The following PTPRM variants were observed in gnomAD, a reference collection of about 807,000 sequenced individuals.
PTPRM encodes the protein receptor-type tyrosine-protein phosphatase mu.
In PTPRM, 47 loss-of-function variants were observed where a neutral mutation model predicts 186.7. The observed-to-expected ratio is 0.25, with a 90% CI of 0.20 to 0.32. The LOEUF is 0.32. Among genes scored for constraint, PTPRM ranks in the 10% least tolerant of loss-of-function variants. The probability of loss-of-function intolerance (pLI) is 1.00; values close to 1 mark genes in which losing one functional copy is unlikely to be tolerated. For synonymous variants in PTPRM, 668 were observed against 674.9 expected (o/e 0.99, Z 0.16); for missense variants, 1,494 against 1,865.0 (o/e 0.80, Z 3.66).
intron 17 of PTPRM, chr18:8,251,573 C>A (rs1190888155): frequency 1.3e-5 from 2 of 152,190 alleles, no homozygotes; most frequent in East Asian, 3.8e-4. Context: ...ATCATAAAAT[C>A]AACTTACCAC....
At chr18:7,862,598 A>G (rs770859631) in intron 2 of PTPRM, among the ~76,000 whole-genome samples, 10 of 152,182 alleles carry the variant, frequency 6.6e-5, no homozygotes, top group Non-Finnish European at 1.3e-4. Context: ...GCACAAGGAG[A>G]TGGAGGGTAA....
At chr18:8,276,791 G>A (rs142163580) in intron 19 of PTPRM, among the ~76,000 whole-genome samples, 416 of 152,300 alleles carry the variant, frequency 2.7e-3, no homozygotes, top group Non-Finnish European at 4.5e-3. Flanking sequence ...TGTGAGACCT[G>A]TGAGACTTTG....
At chr18:8,188,729 G>A (rs2093673175) in intron 14 of PTPRM, among the ~76,000 whole-genome samples, 1 of 152,184 alleles carries the variant, frequency 6.6e-6, no homozygotes, top group Admixed American at 6.5e-5. Flanking sequence ...CTTAAAATGA[G>A]GGGCTGTGCT....
chr18:8,249,260 A>G (rs2094505640), intron 17 of PTPRM, among the ~76,000 whole-genome samples: 1 of 151,940 alleles, frequency 6.6e-6, no homozygotes, highest in African/African-American at 2.4e-5. Context: ...GGTAATTTTT[A>G]TTTTCCTAAT....
chr18:7,859,468 T>C (rs981728210), intron 2 of PTPRM, among the ~76,000 whole-genome samples: 1 of 152,210 alleles, frequency 6.6e-6, no homozygotes, highest in African/African-American at 2.4e-5. Flanking sequence ...AACTCTGATG[T>C]CACTTGTGAT....
intron 14 of PTPRM, among the ~76,000 whole-genome samples, chr18:8,214,242 G>A (rs989749336): frequency 6.6e-5 from 10 of 151,912 alleles, no homozygotes; most frequent in Admixed American, 6.6e-4. Flanking sequence ...TTCCCCTAAA[G>A]CTATTATAAA....
At chr18:7,570,522 C>A (rs967001039) in intron 1 of PTPRM, among the ~76,000 whole-genome samples, 4 of 152,166 alleles carry the variant, frequency 2.6e-5, no homozygotes, top group African/African-American at 7.2e-5. Context: ...TAATGAGAAT[C>A]TTGATCATTT....
At chr18:8,163,394 T>A (rs1412553863) in intron 14 of PTPRM, among the ~76,000 whole-genome samples, 1 of 152,146 alleles carries the variant, frequency 6.6e-6, no homozygotes, top group Non-Finnish European at 1.5e-5. Flanking sequence ...AGAAACACAC[T>A]CACCATTCCT....
intron 1 of PTPRM, among the ~76,000 whole-genome samples, chr18:7,592,148 A>C (rs575023113): frequency 1.3e-5 from 2 of 152,300 alleles, no homozygotes; most frequent in South Asian, 4.1e-4. Context: ...AAGGATGAAA[A>C]CCAAGTCAAA....
chr18:8,338,827 A>G (rs73939439), intron 22 of PTPRM, among the ~76,000 whole-genome samples: 2,764 of 152,336 alleles, frequency 0.018, 54 homozygotes, highest in African/African-American at 0.047. Flanking sequence ...CGAAAATGCC[A>G]CTGTGAGCTT....
At chr18:7,627,332 T>G (rs2038085506) in intron 1 of PTPRM, among the ~76,000 whole-genome samples, 1 of 152,176 alleles carries the variant, frequency 6.6e-6, no homozygotes, top group Non-Finnish European at 1.5e-5. Flanking sequence ...AAAGGCTTGG[T>G]TTAGTCCAGC....
chr18:8,364,643 G>A (rs1246801451), intron 23 of PTPRM, among the ~76,000 whole-genome samples: 1 of 152,050 alleles, frequency 6.6e-6, no homozygotes, highest in Non-Finnish European at 1.5e-5. Flanking sequence ...TCTTCTCAGC[G>A]GGCCCAAACA....
At chr18:7,858,652 T>A (rs143063360) in intron 2 of PTPRM, among the ~76,000 whole-genome samples, 1 of 152,352 alleles carries the variant, frequency 6.6e-6, no homozygotes, top group Non-Finnish European at 1.5e-5. Flanking sequence ...TTAATACAAG[T>A]GTTAATATAT....
chr18:8,355,270 A>G (rs1948011744), intron 23 of PTPRM, among the ~76,000 whole-genome samples: 1 of 152,100 alleles, frequency 6.6e-6, no homozygotes, highest in Non-Finnish European at 1.5e-5. Context: ...AGTTGAGTGG[A>G]GGTTGAAGGG....
intron 1 of PTPRM, among the ~76,000 whole-genome samples, chr18:7,665,887 A>G (rs1598331663): frequency 6.6e-6 from 1 of 151,968 alleles, no homozygotes. Context: ...GCGCCACTGC[A>G]CTCCAGCCTG....
intron 13 of PTPRM, among the ~76,000 whole-genome samples, chr18:8,125,169 T>G (rs1434652488): frequency 6.7e-6 from 1 of 149,408 alleles, no homozygotes; most frequent in Non-Finnish European, 1.5e-5. Flanking sequence ...GAGATCAAGC[T>G]ACTGCACTCC....
intron 2 of PTPRM, among the ~76,000 whole-genome samples, chr18:7,831,970 T>C (rs1026933609): frequency 2.6e-5 from 4 of 152,234 alleles, no homozygotes; most frequent in Admixed American, 6.5e-5. Context: ...ATTCTTTTTA[T>C]GGCTGAATAG....
chr18:8,189,917 T>G (rs1294581694), intron 14 of PTPRM, among the ~76,000 whole-genome samples: 1 of 152,246 alleles, frequency 6.6e-6, no homozygotes, highest in African/African-American at 2.4e-5. Flanking sequence ...CTTTACTTAC[T>G]TAAAAATTAA....
rs1165011645 is a variant in PTPRM, at chr18:7,864,832, T to A, written c.197-23274T>A. On this transcript the variant is annotated intron_variant, in intron 2 of 32. Transcript: ENST00000580170. ...TATTGATTCTTCTTATCCATGAGTA[T>A]GGAATGTTTGTTCATTTGGCTGTGT... 8.5e-5 allele frequency among the ~76,000 whole-genome samples: 13 copies of A among 152,374 alleles called. No individual in the cohort carries two copies. In the South Asian group the frequency reaches 2.5e-3, roughly 29 times the overall value.
Sources: gnomAD v4.1 joint callset for allele counts (sites outside exome capture counted in the v4.1 genomes callset) on GRCh38, gnomAD v4.1.1 for gene constraint, MANE v1.5 for transcripts, NCBI Gene and HGNC (gene_info 2026-07-23, HGNC 2026-07-21) for gene names.